Variants in EDEM1 observed in about 807,000 individuals in gnomAD.
EDEM1 encodes ER degradation enhancing alpha-mannosidase like protein 1.
In EDEM1, 67 loss-of-function variants were observed where a neutral mutation model predicts 74.4. The ratio of observed to expected loss-of-function variants is 0.90; its 90% CI spans 0.74 to 1.10. The LOEUF (loss-of-function observed/expected upper bound fraction) is 1.10. Ranked by LOEUF, EDEM1 falls within the 50% of genes least tolerant of loss-of-function variation. The pLI is 0.00. For synonymous variants in EDEM1, 382 were observed against 335.9 expected, an observed-to-expected ratio of 1.14 and a Z score of -1.50; for missense variants, 926 against 851.6, an observed-to-expected ratio of 1.09 and a Z score of -1.09.
Position 5,215,840 on chromosome 3 carries a change from A to G in EDEM1, c.1896A>G (p.Val632=). Residue 632 remains valine, a synonymous_variant, in exon 12 of 12, where the codon GTA becomes GTG. Coordinates refer to ENST00000256497, the MANE Select transcript of EDEM1 (RefSeq NM_014674.3). ...VINSSSNCNR[V]PDERRYSLPL... ...TTTTGTCTTTCTAGTGCAATCGTGTACCTGATGAGAGGAGGTACTCCCTGC... is the reference window on the plus strand; with the variant it reads ...TTTTGTCTTTCTAGTGCAATCGTGTGCCTGATGAGAGGAGGTACTCCCTGC... 1 of 1,613,116 alleles carries G rather than the reference A, an allele frequency of 6.2e-7. No individual in the cohort carries two copies. The highest frequency in any genetic ancestry group is 8.5e-7 in the Non-Finnish European group (1 of 1,179,620).
At chr3:5,210,756 C>G (rs1248034724) in intron 9 of EDEM1, among the ~76,000 whole-genome samples, 1 of 151,334 alleles carries the variant, frequency 6.6e-6, no homozygotes, top group Non-Finnish European at 1.5e-5. Context: ...AGTCAATACT[C>G]AAATAATAAG....
At position 5,219,229 on chromosome 3, in the gene EDEM1, C is replaced by CAGG. The variant is rs2055281808; in HGVS notation, c.*3312_*3314dup. 6.6e-6 allele frequency: 1 copy of CAGG among 152,108 alleles called. No homozygotes were observed. Among genetic ancestry groups the CAGG allele is most frequent in the East Asian group, 1.9e-4 (1 of 5,192 alleles). 9.4% of individuals were successfully genotyped at this position (152,108 alleles called of 1,614,324 possible). On this transcript the variant is annotated 3_prime_UTR_variant, in exon 12 of 12. Coordinates refer to ENST00000256497, the MANE Select transcript of EDEM1 (RefSeq NM_014674.3). ...TTCCTTTCTGCTTTCTGGAGGGCAC[C>CAGG]AGGGGCCTTTCTCTTTGATAAATTT...
intron 1 of EDEM1, chr3:5,189,689 C>T (rs1281466840): frequency 6.6e-6 from 1 of 152,292 alleles, no homozygotes; most frequent in Non-Finnish European, 1.5e-5. Flanking sequence ...CAACCTCCGC[C>T]TCTGTGGTTA....
intron 5 of EDEM1, among the ~76,000 whole-genome samples, chr3:5,203,705 A>G (rs1332062946): frequency 6.6e-6 from 1 of 152,178 alleles, no homozygotes; most frequent in African/African-American, 2.4e-5. Flanking sequence ...ACTAATTATC[A>G]GTATTTTGCT....
intron 9 of EDEM1, among the ~76,000 whole-genome samples, chr3:5,210,728 G>A (rs946710771): frequency 6.7e-6 from 1 of 148,692 alleles, no homozygotes; most frequent in Non-Finnish European, 1.5e-5. Context: ...TTTTTTTTAA[G>A]TACTATCTTA....
rs139759614 is a variant in EDEM1, at chr3:5,210,185, A to G, written c.1520A>G (p.Asn507Ser). 45 of 1,614,224 alleles carry G rather than the reference A, an allele frequency of 2.8e-5. No homozygotes were observed. In the African/African-American group the frequency reaches 6.0e-4, roughly 22 times the overall value. Residue 507 changes from asparagine to serine, a missense_variant, in exon 9 of 12, where the codon AAT (asparagine) becomes AGT (serine). Physicochemically the swap from Asn to Ser is conservative, Grantham distance 46 (BLOSUM62 1). Coordinates refer to ENST00000256497, the MANE Select transcript of EDEM1 (RefSeq NM_014674.3). ...STYLLYQATK[N>S]PFYLHVGMDI... ...TCGTGTTCTCTCTAGGCAACCAAGA[A>G]TCCCTTCTACCTCCATGTAGGAATG...
rs746748633 is a variant in EDEM1 at position 5,210,169 on chromosome 3, C to T, written c.1510-6C>T. ...GCTGGATCACATTCTCTCGTGTTCT[C>T]TCTAGGCAACCAAGAATCCCTTCTA... is the stretch of plus-strand genomic sequence containing the variant. On this transcript the variant is annotated splice_polypyrimidine_tract_variant and splice_region_variant and intron_variant, in intron 8 of 11. Coordinates refer to ENST00000256497, the MANE Select transcript of EDEM1 (RefSeq NM_014674.3). 4 of 1,613,682 alleles carry T rather than the reference C, an allele frequency of 2.5e-6. No individual in the cohort carries two copies. Among genetic ancestry groups the T allele is most frequent in the Non-Finnish European group, 3.4e-6 (4 of 1,179,672 alleles).
intron 6 of EDEM1, among the ~76,000 whole-genome samples, chr3:5,206,204 ATCTT>A (rs1045004000): frequency 2.7e-5 from 4 of 147,568 alleles, no homozygotes; most frequent in Admixed American, 1.3e-4. Flanking sequence ...TCTTTCCCAG[ATCTT>A]TCTTTTTTTT....
intron 11 of EDEM1, among the ~76,000 whole-genome samples, chr3:5,214,074 G>T (rs553569439): frequency 1.1e-4 from 17 of 152,214 alleles, no homozygotes; most frequent in Non-Finnish European, 2.4e-4. Context: ...TCTTCGAAGT[G>T]CAGCAAACAC....
intron 6 of EDEM1, among the ~76,000 whole-genome samples, chr3:5,205,542 T>C (rs2055086133): frequency 6.6e-6 from 1 of 152,158 alleles, no homozygotes; most frequent in African/African-American, 2.4e-5. Flanking sequence ...TCTCCTGAGG[T>C]TGTTGTCAAG....
chr3:5,202,298 G>A (rs1277418437), intron 4 of EDEM1, among the ~76,000 whole-genome samples: 1 of 152,232 alleles, frequency 6.6e-6, no homozygotes, highest in Non-Finnish European at 1.5e-5. Context: ...ATCCTCACAT[G>A]GGTATTGCGG....
chr3:5,199,196 C>T (rs1280818914), intron 2 of EDEM1, among the ~76,000 whole-genome samples: 1 of 152,158 alleles, frequency 6.6e-6, no homozygotes, highest in Non-Finnish European at 1.5e-5. Flanking sequence ...ATTTGAGGAG[C>T]AGAGAGAAAG....
At chr3:5,190,882 A>G (rs935255575) in intron 1 of EDEM1, among the ~76,000 whole-genome samples, 9 of 152,088 alleles carry the variant, frequency 5.9e-5, no homozygotes, top group African/African-American at 1.9e-4. Flanking sequence ...ATTTTTTAAA[A>G]AAATTTATTT....
chr3:5,199,184 T>A (rs1312900716), intron 2 of EDEM1, among the ~76,000 whole-genome samples: 1 of 152,214 alleles, frequency 6.6e-6, no homozygotes, highest in Non-Finnish European at 1.5e-5. Context: ...AGCTGCTGAT[T>A]TATTTGAGGA....
At chr3:5,208,879 T>C (rs1272921195) in intron 8 of EDEM1, among the ~76,000 whole-genome samples, 4 of 152,122 alleles carry the variant, frequency 2.6e-5, no homozygotes, top group Admixed American at 1.3e-4. Flanking sequence ...TTCCTGACGG[T>C]TGAAGCCAGG....
In EDEM1 at chr3:5,209,343, C is replaced by T. The variant is rs2055139223; in HGVS notation, c.1510-832C>T. Among the ~76,000 whole-genome samples, 2 of 152,192 alleles carry T rather than the reference C, an allele frequency of 1.3e-5. 1 individual carries two copies. The highest frequency in any genetic ancestry group is 1.3e-4 in the Admixed American group (2 of 15,284). ...TACACGGAGGATGGCGTGCCGGTTA[C>T]TGGCTGATTTCTTCTCTTAAGCTTA... On this transcript the variant is annotated intron_variant, in intron 8 of 11. Coordinates refer to ENST00000256497, the MANE Select transcript of EDEM1 (RefSeq NM_014674.3).
chr3:5,201,627 G>C, intron 3 of EDEM1, 126 bp from the exon 4 acceptor site: 1 of 1,055,056 alleles, frequency 9.5e-7, no homozygotes, highest in South Asian at 1.4e-5. Flanking sequence ...CATTAAGTCA[G>C]GTCTCTCTGA....
chr3:5,217,817 A>G lies in EDEM1; in HGVS notation c.*1899A>G, dbSNP rs922011344. On this transcript the variant is annotated 3_prime_UTR_variant, in exon 12 of 12. Transcript: ENST00000256497. ...TAATTACACACACATGCATGCATGC[A>G]CACACGAGCATACTTGTACCTTTGT... is the stretch of plus-strand genomic sequence containing the variant. 5 of 152,196 alleles carry G rather than the reference A, an allele frequency of 3.3e-5. No individual in the cohort carries two copies. Among genetic ancestry groups the G allele is most frequent in the East Asian group, 1.9e-4 (1 of 5,204 alleles). 9.4% of individuals were successfully genotyped at this position (152,196 alleles called of 1,614,324 possible). A position where few individuals can be genotyped will look rare whatever the true frequency, so the allele number is the denominator to read the frequency against.
chr3:5,188,365 C>A, intron 1 of EDEM1, 51 bp downstream of exon 1: 1 of 1,365,118 alleles, frequency 7.3e-7, no homozygotes, highest in Non-Finnish European at 9.5e-7. Context: ...TTCCTTCCGC[C>A]CTCCGCGCCG....
Sources: allele counts gnomAD v4.1 joint callset (sites outside exome capture counted in the v4.1 genomes callset), GRCh38; gene constraint gnomAD v4.1.1; transcripts MANE v1.5; gene names NCBI Gene and HGNC (gene_info 2026-07-23, HGNC 2026-07-21).